Variants in ZNF710 observed in about 807,000 individuals in gnomAD.
ZNF710 encodes zinc finger protein 710.
ZNF710 carries 13 observed loss-of-function variants against 50.6 expected under a neutral mutation model. That is an observed-to-expected ratio of 0.26 (90% CI 0.17 to 0.41). The LOEUF is 0.41. Ranked by LOEUF, ZNF710 falls within the 10% of genes least tolerant of loss-of-function variation. The pLI is 1.00. For synonymous variants in ZNF710, 383 were observed against 397.0 expected, an observed-to-expected ratio of 0.96 and a Z score of 0.42; for missense variants, 721 against 936.6, an observed-to-expected ratio of 0.77 and a Z score of 3.01.
chr15:90,074,090 C>G (rs997564117), intron 3 of ZNF710, 26 bp from the exon 4 acceptor site: 1 of 1,596,142 alleles, frequency 6.3e-7, no homozygotes, highest in Non-Finnish European at 8.5e-7. Context: ...CCCACAGGCT[C>G]AGGACACCGG....
intron 1 of ZNF710, among the ~76,000 whole-genome samples, chr15:90,056,444 A>G (rs970690540): frequency 2.0e-5 from 3 of 152,040 alleles, no homozygotes; most frequent in African/African-American, 7.2e-5. Context: ...ATTAGTCCTG[A>G]CTGAGGGGTA....
chr15:90,018,176 T>C (rs532586965), intron 1 of ZNF710, among the ~76,000 whole-genome samples: 2 of 150,736 alleles, frequency 1.3e-5, no homozygotes, highest in Admixed American at 6.6e-5. Flanking sequence ...TTTTCTTTTT[T>C]TTTTTTTTTT....
chr15:90,059,851 G>A lies in ZNF710; in HGVS notation c.-28-7259G>A, dbSNP rs1899949733. On this transcript the variant is annotated intron_variant, in intron 1 of 4. Transcript: ENST00000268154. The surrounding 1 kb of genome is among the most constrained non-coding windows in gnomAD (Gnocchi z 4.1). ...GTTTCCTTAGGCGGTGAAATCCCGTGCATGTTTTTCACAGCGGGTGTACAG... is the reference window on the plus strand; with the variant it reads ...GTTTCCTTAGGCGGTGAAATCCCGTACATGTTTTTCACAGCGGGTGTACAG... 6.6e-6 allele frequency among the ~76,000 whole-genome samples: 1 copy of A among 152,190 alleles called. No individual in the cohort carries two copies. Among genetic ancestry groups the A allele is most frequent in the African/African-American group, 2.4e-5 (1 of 41,450 alleles).
rs1255212533 is a variant in ZNF710, at chr15:90,040,262, A to G, written c.-28-26848A>G. Among the ~76,000 whole-genome samples the G allele has an allele frequency of 1.3e-5, 2 of 152,166 alleles. No homozygotes were observed. The highest frequency in any genetic ancestry group is 4.8e-5 in the African/African-American group (2 of 41,438). On this transcript the variant is annotated intron_variant, in intron 1 of 4. Transcript: ENST00000268154. The surrounding 1 kb of genome is among the most constrained non-coding windows in gnomAD (Gnocchi z 4.6). ...TTTGTTGAGGAAGTCGTGTCTGAGGATCTGGTCCCCAGCTCTAGGCAACAG... is the reference window on the plus strand; with the variant it reads ...TTTGTTGAGGAAGTCGTGTCTGAGGGTCTGGTCCCCAGCTCTAGGCAACAG...
chr15:90,066,083 A>G (rs1900161558), intron 1 of ZNF710, among the ~76,000 whole-genome samples: 1 of 152,256 alleles, frequency 6.6e-6, no homozygotes, highest in African/African-American at 2.4e-5. Context: ...TATTTTTATC[A>G]GTATAAATTT....
At chr15:90,039,851 G>A (rs1010627628) in intron 1 of ZNF710, among the ~76,000 whole-genome samples, 3 of 152,146 alleles carry the variant, frequency 2.0e-5, no homozygotes, top group Admixed American at 1.3e-4. Context: ...AGCAAGGGGC[G>A]CTGTCCCATA....
At chr15:90,013,218 A>G (rs750742975) in intron 1 of ZNF710, among the ~76,000 whole-genome samples, 14 of 152,174 alleles carry the variant, frequency 9.2e-5, no homozygotes, top group Non-Finnish European at 5.9e-5. Context: ...CTCCTGGCTC[A>G]GTCTCCTGAG....
intron 1 of ZNF710, among the ~76,000 whole-genome samples, chr15:90,013,705 G>A (rs1898375623): frequency 6.6e-6 from 1 of 152,114 alleles, no homozygotes; most frequent in South Asian, 2.1e-4. Context: ...ATCACCAGAC[G>A]CTCTCCTTTG....
intron 1 of ZNF710, among the ~76,000 whole-genome samples, chr15:90,042,219 A>G (rs565134697): frequency 1.4e-4 from 21 of 151,166 alleles, no homozygotes; most frequent in Non-Finnish European, 2.2e-4. Context: ...TGTATTTTCC[A>G]TGCCCCCCCT....
intron 4 of ZNF710, chr15:90,075,545 G>T (rs1266476148): frequency 2.6e-5 from 4 of 152,100 alleles, no homozygotes; most frequent in African/African-American, 9.7e-5. Context: ...AGAAATTCTG[G>T]TGTGCCTCTG....
Position 90,034,227 on chromosome 15 carries a change from G to C in ZNF710, c.-29+32613G>C, listed in dbSNP as rs542348598. 5.3e-5 allele frequency among the ~76,000 whole-genome samples: 8 copies of C among 151,630 alleles called. No individual in the cohort carries two copies. The highest frequency in any genetic ancestry group is 1.0e-4 in the Non-Finnish European group (7 of 67,862). On this transcript the variant is annotated intron_variant, in intron 1 of 4. Coordinates refer to ENST00000268154, the MANE Select transcript of ZNF710 (RefSeq NM_198526.4). This position sits in a 1 kb window ranked among gnomAD's most constrained non-coding sequence, Gnocchi z 4.0. ...AAAAAGAAAAGAAAAGAAAAGAAAA[G>C]AAAACAGGTGAACGACAGTCACTCC...
intron 1 of ZNF710, among the ~76,000 whole-genome samples, chr15:90,038,707 C>CTCTGTGTGTGTG (rs1555457367): frequency 7.0e-6 from 1 of 143,680 alleles, no homozygotes; most frequent in East Asian, 2.1e-4. Flanking sequence ...CCTCCCTGCT[C>CTCTGTGTGTGTG]TGTGTGTGTG....
At chr15:90,001,663 A>G in intron 1 of ZNF710, 49 bp downstream of exon 1, 1 of 140,600 alleles carries the variant, frequency 7.1e-6, no homozygotes. Context: ...CCAGCCCCGC[A>G]GCCCCGCGCT....
chr15:90,065,959 C>G (rs1900157797), intron 1 of ZNF710, among the ~76,000 whole-genome samples: 2 of 152,116 alleles, frequency 1.3e-5, no homozygotes, highest in South Asian at 2.1e-4. Context: ...AACTTGGGAG[C>G]CTGTTTGAGC....
rs773404491 is a variant in ZNF710, at chr15:90,067,125, T to A, written c.-13T>A. 2.1e-5 allele frequency: 33 copies of A among 1,580,956 alleles called. No homozygotes were observed. In the African/African-American group the frequency reaches 4.2e-4, roughly 20 times the overall value. ...CCACCCACAGCGATGCCCTCCTAGCTAGCCGTCACGGGATGGAGGGCTTCA... is the reference window on the plus strand; with the variant it reads ...CCACCCACAGCGATGCCCTCCTAGCAAGCCGTCACGGGATGGAGGGCTTCA... On this transcript the variant is annotated 5_prime_UTR_variant, in exon 2 of 5. Coordinates refer to ENST00000268154, the MANE Select transcript of ZNF710 (RefSeq NM_198526.4). This position sits in a 1 kb window ranked among gnomAD's most constrained non-coding sequence, Gnocchi z 8.1.
At chr15:90,074,491 A>G in intron 4 of ZNF710, 1 of 1,523,912 alleles carries the variant, frequency 6.6e-7, no homozygotes, top group Non-Finnish European at 8.8e-7. Context: ...AAAGGACTTA[A>G]ATGAGATCAC....
chr15:90,007,114 T>C (rs1317277485), intron 1 of ZNF710, among the ~76,000 whole-genome samples: 1 of 152,146 alleles, frequency 6.6e-6, no homozygotes, highest in East Asian at 1.9e-4. Flanking sequence ...AGGATCAGAA[T>C]AATTCCCTAA....
chr15:90,067,512 T>C lies in ZNF710; in HGVS notation c.375T>C (p.Ser125=). 6.2e-7 allele frequency: 1 copy of C among 1,613,626 alleles called. No homozygotes were observed. Among genetic ancestry groups the C allele is most frequent in the Non-Finnish European group, 8.5e-7 (1 of 1,179,742 alleles). The change falls in exon 2 of 5, where the codon TCT becomes TCC. Residue 125 remains serine, a synonymous_variant. Coordinates refer to ENST00000268154, the MANE Select transcript of ZNF710 (RefSeq NM_198526.4). The surrounding 1 kb of genome is among the most constrained non-coding windows in gnomAD (Gnocchi z 8.1). The part of the protein sequence containing the change: ...EEEEQEVYEV[S]VPGDDKDAGP... ...AGGAACAGGAGGTCTATGAGGTTTC[T>C]GTGCCAGGTGACGACAAGGACGCAG...
chr15:90,072,390 T>C (rs909347199), intron 2 of ZNF710, among the ~76,000 whole-genome samples: 8 of 152,180 alleles, frequency 5.3e-5, no homozygotes, highest in African/African-American at 1.9e-4. Flanking sequence ...GGCTGTATGT[T>C]GGATGAGAAC....
Sources: gnomAD v4.1 joint callset for allele counts (sites outside exome capture counted in the v4.1 genomes callset) on GRCh38, gnomAD v4.1.1 for gene constraint, Gnocchi (gnomAD v3.1) non-coding constraint, MANE v1.5 for transcripts, NCBI Gene and HGNC (gene_info 2026-07-23, HGNC 2026-07-21) for gene names.